ZNF687: variants seen among roughly 807,000 people sequenced by gnomAD.
The protein encoded by ZNF687 is zinc finger protein 687.
Under a neutral mutation model 71.8 loss-of-function variants are expected in ZNF687, and 13 were observed. That is an observed-to-expected ratio of 0.18 (90% CI 0.12 to 0.29). ZNF687 has a LOEUF of 0.29. Among genes scored for constraint, ZNF687 ranks in the 10% least tolerant of loss-of-function variants. ZNF687 has a pLI of 1.00. For missense variants in ZNF687, 1,412 were observed against 1,625.6 expected (o/e 0.87, Z 2.26); for synonymous variants, 673 against 641.6 (o/e 1.05, Z -0.74).
At chr1:151,283,328 G>GC (rs1163329729) in intron 1 of ZNF687, 1 of 984,730 alleles carries the variant, frequency 1.0e-6, no homozygotes, top group Non-Finnish European at 1.2e-6. Context: ...GGTCAGTGGA[G>GC]CCCCCACTCG....
upstream of ZNF687, chr1:151,281,773 C>T: frequency 2.6e-6 from 1 of 377,534 alleles, no homozygotes; most frequent in East Asian, 7.4e-5. Flanking sequence ...GCATCAGTGA[C>T]ACGGGTTTAG....
In ZNF687 at chr1:151,292,066, AT is replaced by A. The variant is rs1694316174; in HGVS notation, c.*858del. The A allele has an allele frequency of 1.3e-5, 2 of 152,198 alleles. No homozygotes were observed. Among genetic ancestry groups the A allele is most frequent in the Admixed American group, 1.3e-4 (2 of 15,280 alleles). 9.4% of individuals were successfully genotyped at this position (152,198 alleles called of 1,614,324 possible). A position where few individuals can be genotyped will look rare whatever the true frequency, so the allele number is the denominator to read the frequency against. On this transcript the variant is annotated 3_prime_UTR_variant, in exon 9 of 9. Coordinates refer to ENST00000336715, the MANE Select transcript of ZNF687 (RefSeq NM_020832.3). ...CCTTTTGTATCTTGGACACTGAGGC[AT>A]CCGTTCATACCTCATCACCCATCTC... is the stretch of plus-strand genomic sequence containing the variant.
At position 151,291,301 on chromosome 1, in the gene ZNF687, CATT is replaced by C. The variant is rs1694237626; in HGVS notation, c.*94_*96del. 6.9e-7 allele frequency: 1 copy of C among 1,456,248 alleles called. No individual in the cohort carries two copies. The highest frequency in any genetic ancestry group is 2.4e-5 in the Admixed American group (1 of 41,582). The allele number at this position is 1,456,248 out of a possible 1,614,324, so 90.2% of individuals were successfully genotyped here. A position where few individuals can be genotyped will look rare whatever the true frequency, so the allele number is the denominator to read the frequency against. On this transcript the variant is annotated 3_prime_UTR_variant, in exon 9 of 9. Transcript: ENST00000336715. ...CCCTCGGCTGGGGAGTTTTCATTAA[CATT>C]AATATTTTGTTAATTCCTGTCTCTC...
Position 151,287,395 on chromosome 1 carries a change from TAGCC to T in ZNF687, c.1105_1108del (p.Leu370Ter), listed in dbSNP as rs773693936. On this transcript the variant is annotated frameshift_variant, in exon 2 of 9. Transcript: ENST00000336715. LOFTEE classifies it high-confidence loss of function. The surrounding 1 kb of genome is among the most constrained non-coding windows in gnomAD (Gnocchi z 5.0). Reference sequence around the variant, plus strand: ...CTGAGGGGGCCTTCTTGGCTGAGGCTAGCCTCTTGAAGCTGTCCCCTGCAACACC... The same window carrying T: ...CTGAGGGGGCCTTCTTGGCTGAGGCTTCTTGAAGCTGTCCCCTGCAACACC... 4 of 1,614,204 alleles carry T rather than the reference TAGCC, an allele frequency of 2.5e-6. No homozygotes were observed. Among genetic ancestry groups the T allele is most frequent in the Non-Finnish European group, 3.4e-6 (4 of 1,180,036 alleles).
chr1:151,286,652 C>T lies in ZNF687; in HGVS notation c.361C>T (p.His121Tyr). Residue 121 changes from histidine to tyrosine, a missense_variant, in exon 2 of 9, where the codon CAT becomes TAT. By Grantham distance (83) the His-to-Tyr change is moderately conservative (BLOSUM62 2). Transcript: ENST00000336715. Reference protein sequence around the residue: ...GVTKEGPVGPHRMQNGFGSPE... With the variant: ...GVTKEGPVGPYRMQNGFGSPE... ...AACTAAAGAAGGGCCTGTGGGGCCT[C>T]ATCGAATGCAGAATGGTTTTGGGAG... 2 of 1,614,236 alleles carry T rather than the reference C, an allele frequency of 1.2e-6. No homozygotes were observed. The highest frequency in any genetic ancestry group is 2.2e-5 in the East Asian group (1 of 44,884).
rs1464169535 is a variant in ZNF687, at chr1:151,287,157, A to G, written c.866A>G (p.Asp289Gly). ...TGTCAGCCCTTGAAGGAAGAAGATG[A>G]TGATGAGGGGCCAGTGGACAAGTCT... is the stretch of plus-strand genomic sequence containing the variant. ...PVCQPLKEED[D>G]DEGPVDKSSP... The change falls in exon 2 of 9, where the codon GAT becomes GGT. Residue 289 changes from aspartate to glycine, a missense_variant. Asp to Gly is a moderately conservative substitution (Grantham distance 94). Transcript: ENST00000336715. This position sits in a 1 kb window ranked among gnomAD's most constrained non-coding sequence, Gnocchi z 5.0. 7 of 1,614,016 alleles carry G rather than the reference A, an allele frequency of 4.3e-6. No individual in the cohort carries two copies. The East Asian group carries it at 1.6e-4, about 36-fold the overall frequency.
Position 151,290,822 on chromosome 1 carries a change from T to C in ZNF687, c.3327T>C (p.His1109=), listed in dbSNP as rs146670033. 15 of 1,613,782 alleles carry C rather than the reference T, an allele frequency of 9.3e-6. No individual in the cohort carries two copies. The highest frequency in any genetic ancestry group is 5.3e-5 in the African/African-American group (4 of 74,906). ...GGGGCGGACCTGGATCTGGAGGCCA[T>C]GGCCCTCTGCGCTACCGGAGCAGCA... ...SPRGGPGSGG[H]GPLRYRSSSS... Residue 1109 remains histidine (H), a synonymous_variant, in exon 9 of 9, where the codon CAT becomes CAC. Coordinates refer to ENST00000336715, the MANE Select transcript of ZNF687 (RefSeq NM_020832.3).
chr1:151,282,776 A>G (rs1354444423), intron 1 of ZNF687, among the ~76,000 whole-genome samples: 1 of 151,950 alleles, frequency 6.6e-6, no homozygotes, highest in Admixed American at 6.5e-5. Context: ...CTGCACCCCG[A>G]CTGGGTGCGG....
upstream of ZNF687, chr1:151,282,043 T>TG (rs777322120): frequency 4.0e-5 from 51 of 1,279,400 alleles, no homozygotes; most frequent in Non-Finnish European, 5.1e-5. Flanking sequence ...GACTCGTAGA[T>TG]GGGGCAGACG....
intron 1 of ZNF687, chr1:151,283,875 A>C: frequency 1.0e-6 from 1 of 985,260 alleles, no homozygotes; most frequent in Non-Finnish European, 1.2e-6. Context: ...TGAAGACTGG[A>C]GAGAGGTGGG....
chr1:151,281,584 C>G (rs1366416041), upstream of ZNF687: 1 of 471,230 alleles, frequency 2.1e-6, no homozygotes, highest in Non-Finnish European at 4.4e-6. Flanking sequence ...TCCCGTGCCC[C>G]GTCCACGCCC....
At position 151,288,318 on chromosome 1, in the gene ZNF687, T is replaced by A. The variant is rs754151904; in HGVS notation, c.2027T>A (p.Leu676Gln). The change falls in exon 2 of 9, where the codon CTG (leucine) becomes CAG (glutamine). Residue 676 changes from leucine to glutamine, a missense_variant. Leu to Gln is a moderately radical substitution (Grantham distance 113). Coordinates refer to ENST00000336715, the MANE Select transcript of ZNF687 (RefSeq NM_020832.3). Reference protein sequence around the residue: ...ATSAYTCFRCLECKEQCRDKA... With the variant: ...ATSAYTCFRCQECKEQCRDKA... Reference sequence around the variant, plus strand: ...TCTGCTTACACATGCTTTCGCTGCCTGGAGTGCAAGGAACAGTGCCGGGAC... The same window carrying A: ...TCTGCTTACACATGCTTTCGCTGCCAGGAGTGCAAGGAACAGTGCCGGGAC... The A allele has an allele frequency of 1.2e-6, 2 of 1,612,690 alleles. No homozygotes were observed. The highest frequency in any genetic ancestry group is 2.2e-5 in the South Asian group (2 of 91,080).
At position 151,288,604 on chromosome 1, in the gene ZNF687, C is replaced by G. The variant is rs587603005; in HGVS notation, c.2192C>G (p.Pro731Arg). 2.5e-6 allele frequency: 4 copies of G among 1,614,120 alleles called. No individual in the cohort carries two copies. The highest frequency in any genetic ancestry group is 1.7e-5 in the Admixed American group (1 of 60,016). ...SAHQRMHKNR[P>R]PHVCPECGGN... ...CACCAGCGCATGCATAAGAATCGAC[C>G]CCCCCATGTCTGTCCTGAGTGTGGG... Residue 731 changes from proline (P) to arginine (R), a missense_variant, in exon 3 of 9, where the codon CCC becomes CGC. By Grantham distance (103) the Pro-to-Arg change is moderately radical. Coordinates refer to ENST00000336715, the MANE Select transcript of ZNF687 (RefSeq NM_020832.3).
intron 1 of ZNF687, 75 bp downstream of exon 1, chr1:151,282,470 C>T: frequency 1.0e-6 from 1 of 954,292 alleles, no homozygotes; most frequent in South Asian, 4.7e-5. Context: ...CCCCGCCCCT[C>T]CCCCACTTGG....
intron 1 of ZNF687, 46 bp downstream of exon 1, chr1:151,282,441 G>T (rs1386128657): frequency 1.2e-5 from 12 of 975,960 alleles, no homozygotes; most frequent in Non-Finnish European, 1.5e-5. Flanking sequence ...CCGCCCCCTT[G>T]GGGGGGGCGG....
chr1:151,288,284 C>T lies in ZNF687; in HGVS notation c.1993C>T (p.Pro665Ser). ...LPLSTEPPAAPATSAYTCFRC... is the reference protein window; with the variant it reads ...LPLSTEPPAASATSAYTCFRC... ...GCTCTCCACAGAGCCGCCTGCTGCC[C>T]CGGCCACCTCTGCTTACACATGCTT... Residue 665 changes from proline (P) to serine (S), a missense_variant, in exon 2 of 9, where the codon CCG becomes TCG. By Grantham distance (74) the Pro-to-Ser change is moderately conservative (BLOSUM62 -1). Around this residue, in one of 8 missense-constraint regions of ZNF687, gnomAD observed 207 missense variants for 239.2 expected, o/e 0.87. Coordinates refer to ENST00000336715, the MANE Select transcript of ZNF687 (RefSeq NM_020832.3). The T allele has an allele frequency of 6.2e-7, 1 of 1,613,544 alleles. No homozygotes were observed. The highest frequency in any genetic ancestry group is 1.1e-5 in the South Asian group (1 of 91,072).
upstream of ZNF687, chr1:151,282,113 G>C: frequency 7.9e-7 from 1 of 1,269,782 alleles, no homozygotes; most frequent in Non-Finnish European, 1.0e-6. Flanking sequence ...CTTGCCCAAT[G>C]AGCATAAGAG....
At chr1:151,281,925 G>A, upstream of ZNF687, 1 of 941,170 alleles carries the variant, frequency 1.1e-6, no homozygotes, top group Non-Finnish European at 1.4e-6. Flanking sequence ...GCGGCCAGTA[G>A]GGAGCGAGGG....
At chr1:151,281,926 G>A, upstream of ZNF687, 7 of 948,530 alleles carry the variant, frequency 7.4e-6, no homozygotes, top group Non-Finnish European at 9.9e-6. Context: ...CGGCCAGTAG[G>A]GAGCGAGGGG....
Sources: allele counts gnomAD v4.1 joint callset (sites outside exome capture counted in the v4.1 genomes callset), GRCh38; gene constraint gnomAD v4.1.1; regional missense constraint gnomAD v4.1.1; non-coding constraint Gnocchi (gnomAD v3.1); transcripts MANE v1.5; gene names NCBI Gene and HGNC (gene_info 2026-07-23, HGNC 2026-07-21).